Variants in RTL4 observed in about 807,000 individuals in gnomAD.
The protein encoded by RTL4 is retrotransposon Gag-like protein 4.
A neutral mutation model predicts 5.3 loss-of-function variants in RTL4; 4 were observed. The observed-to-expected ratio is 0.75, with a 90% CI of 0.37 to 1.72. The LOEUF is 1.72. Among genes scored for constraint, RTL4 ranks in the 40% most tolerant of loss-of-function variants. The probability of loss-of-function intolerance (pLI) is 0.04; values close to 1 mark genes in which losing one functional copy is unlikely to be tolerated. For synonymous variants in RTL4, 98 were observed against 87.3 expected (o/e 1.12, Z -0.68); for missense variants, 260 against 227.1 (o/e 1.14, Z -0.93).
upstream of RTL4, among the ~76,000 whole-genome samples, chrX:112,451,423 T>TGAAAGATC (rs1926733117): frequency 9.0e-6 from 1 of 110,854 alleles, no homozygotes; most frequent in South Asian, 3.9e-4. Context: ...TACCAGAGCC[T>TGAAAGATC]GAAAGATCGA....
the RTL4 span, among the ~76,000 whole-genome samples, chrX:112,263,590 A>G: frequency 8.9e-6 from 1 of 112,062 alleles, no homozygotes; most frequent in East Asian, 2.8e-4. Flanking sequence ...GACTTATTTT[A>G]CTTAGCATAG....
chrX:112,373,299 C>T, the RTL4 span, among the ~76,000 whole-genome samples: 1 of 111,431 alleles, frequency 9.0e-6, no homozygotes, highest in Admixed American at 9.5e-5. Flanking sequence ...GTATCATCAT[C>T]TGCTGTTGTT....
the RTL4 span, among the ~76,000 whole-genome samples, chrX:112,364,605 T>A: frequency 9.0e-6 from 1 of 110,653 alleles, no homozygotes; most frequent in Non-Finnish European, 1.9e-5. Flanking sequence ...TAAAGATCAA[T>A]CCCAAAGCAT....
At chrX:112,258,713 C>T in the RTL4 span, among the ~76,000 whole-genome samples, 1 of 111,131 alleles carries the variant, frequency 9.0e-6, no homozygotes, top group Admixed American at 9.6e-5. Context: ...TGAAACTTTT[C>T]TGTTTAAATT....
chrX:112,247,559 C>T, the RTL4 span, among the ~76,000 whole-genome samples: 5,318 of 111,943 alleles, frequency 0.048, 141 homozygotes, highest in Non-Finnish European at 0.074. Context: ...ATTTTGTTTT[C>T]TCTTCAAGAC....
the RTL4 span, among the ~76,000 whole-genome samples, chrX:112,316,606 C>G: frequency 8.9e-6 from 1 of 112,111 alleles, no homozygotes; most frequent in Non-Finnish European, 1.9e-5. Flanking sequence ...AAGATGTCAT[C>G]TTGAACTATT....
chrX:112,102,497 C>T, the RTL4 span, among the ~76,000 whole-genome samples: 1 of 111,751 alleles, frequency 8.9e-6, no homozygotes, highest in East Asian at 2.8e-4. Context: ...ACAGCAATAA[C>T]ACCTCATAAA....
chrX:112,239,152 G>A, the RTL4 span, among the ~76,000 whole-genome samples: 6 of 110,825 alleles, frequency 5.4e-5, no homozygotes, highest in Non-Finnish European at 9.5e-5. Context: ...CCAGAAACAG[G>A]TAATATTTTG....
the RTL4 span, among the ~76,000 whole-genome samples, chrX:112,380,441 C>T: frequency 2.7e-5 from 3 of 111,894 alleles, no homozygotes; most frequent in East Asian, 5.6e-4. Flanking sequence ...CGTGAGCCAC[C>T]GCACCTGGCC....
At chrX:112,117,691 T>C in the RTL4 span, among the ~76,000 whole-genome samples, 8 of 111,577 alleles carry the variant, frequency 7.2e-5, no homozygotes, top group East Asian at 2.0e-3. Context: ...AGTATTGGCA[T>C]AGGAATGGGG....
At chrX:112,217,696 A>T in the RTL4 span, among the ~76,000 whole-genome samples, 2 of 112,055 alleles carry the variant, frequency 1.8e-5, no homozygotes, top group African/African-American at 6.5e-5. Flanking sequence ...TGCCAATAGC[A>T]TATGCACAAT....
chrX:112,455,418 C>T, exon 1 of RTL4: 1 of 1,211,032 alleles, frequency 8.3e-7, no homozygotes, highest in Non-Finnish European at 1.1e-6. Context: ...AGTCAGAGAC[C>T]CAGCTCCCAT....
At chrX:112,173,318 G>T in the RTL4 span, among the ~76,000 whole-genome samples, 1 of 111,514 alleles carries the variant, frequency 9.0e-6, no homozygotes, top group South Asian at 3.8e-4. Context: ...ATCAAGTGAT[G>T]ATGGAGGATT....
chrX:112,431,034 C>T, the RTL4 span, among the ~76,000 whole-genome samples: 1 of 111,877 alleles, frequency 8.9e-6, no homozygotes, highest in African/African-American at 3.2e-5. Context: ...GATTAGGTAT[C>T]AGCCCTTTAA....
At chrX:112,287,392 TAA>T in the RTL4 span, among the ~76,000 whole-genome samples, 2 of 112,165 alleles carry the variant, frequency 1.8e-5, no homozygotes, top group African/African-American at 3.2e-5. Context: ...GTATATAAAA[TAA>T]GTTTGTTCCC....
At chrX:112,130,506 G>A in the RTL4 span, among the ~76,000 whole-genome samples, 1 of 110,094 alleles carries the variant, frequency 9.1e-6, no homozygotes, top group African/African-American at 3.3e-5. Flanking sequence ...ATGCATGCAT[G>A]CTTATTTAAT....
At chrX:112,090,182 AT>A in the RTL4 span, among the ~76,000 whole-genome samples, 2 of 110,337 alleles carry the variant, frequency 1.8e-5, no homozygotes, top group Non-Finnish European at 3.8e-5. Context: ...AAGATCTTAT[AT>A]ATAAGATCTG....
the RTL4 span, among the ~76,000 whole-genome samples, chrX:112,236,464 TATCTATATATAGATATAG>T: frequency 2.5e-5 from 2 of 81,206 alleles, no homozygotes; most frequent in Non-Finnish European, 2.3e-5. Flanking sequence ...TATAGATCTA[TATCTATATATAGATATAG>T]ATCTATATCT....
At chrX:112,397,059 C>A in the RTL4 span, among the ~76,000 whole-genome samples, 1 of 111,879 alleles carries the variant, frequency 8.9e-6, no homozygotes, top group Admixed American at 9.5e-5. Flanking sequence ...CCTCTACTCC[C>A]ATTTTTCATA....
Sources: gnomAD v4.1 joint callset for allele counts (sites outside exome capture counted in the v4.1 genomes callset) on GRCh38, gnomAD v4.1.1 for gene constraint, MANE v1.5 for transcripts, NCBI Gene and HGNC (gene_info 2026-07-23, HGNC 2026-07-21) for gene names.